DNAAF11: variants seen among roughly 807,000 people sequenced by gnomAD.
The protein encoded by DNAAF11 is leucine rich repeat containing 6.
Under a neutral mutation model 60.8 loss-of-function variants are expected in DNAAF11, and 45 were observed. The ratio of observed to expected loss-of-function variants is 0.74; its 90% CI spans 0.58 to 0.95. DNAAF11 has a LOEUF of 0.95. Ranked by LOEUF, DNAAF11 falls within the 40% of genes least tolerant of loss-of-function variation. DNAAF11 has a pLI of 0.00. For missense variants in DNAAF11, 546 were observed against 546.2 expected (o/e 1.00, Z 0.00); for synonymous variants, 191 against 183.5 (o/e 1.04, Z -0.33).
chr8:132,687,595 C>A, the DNAAF11 span: 10 of 456,026 alleles, frequency 2.2e-5, no homozygotes, highest in South Asian at 1.1e-4. Context: ...CCAGGTGCTG[C>A]AAGCTTCCTG....
At chr8:132,639,115 T>C (rs1821603758) in intron 3 of DNAAF11, among the ~76,000 whole-genome samples, 1 of 152,230 alleles carries the variant, frequency 6.6e-6, no homozygotes, top group African/African-American at 2.4e-5. Flanking sequence ...AATAGCTCAA[T>C]GAGCACTCTA....
At chr8:132,686,004 C>A in the DNAAF11 span, among the ~76,000 whole-genome samples, 1 of 152,238 alleles carries the variant, frequency 6.6e-6, no homozygotes, top group East Asian at 1.9e-4. Context: ...TTTCTATACT[C>A]ATTCAGAGTG....
chr8:132,627,193 G>A (rs1820363512), intron 5 of DNAAF11, among the ~76,000 whole-genome samples: 1 of 151,940 alleles, frequency 6.6e-6, no homozygotes, highest in South Asian at 2.1e-4. Flanking sequence ...TGAAATAATT[G>A]GTTCCATTCT....
At chr8:132,573,541 GTATTGAATAAATAT>G (rs1814437959) in intron 11 of DNAAF11, among the ~76,000 whole-genome samples, 3 of 152,140 alleles carry the variant, frequency 2.0e-5, no homozygotes, top group African/African-American at 7.2e-5. Flanking sequence ...GCATATGGCT[GTATTGAATAAATAT>G]TGTTGAATAG....
Position 132,619,276 on chromosome 8 carries a change from C to T in DNAAF11, c.914+3335G>A, listed in dbSNP as rs540633850. On this transcript the variant is annotated intron_variant, in intron 7 of 11. Coordinates refer to ENST00000620350, the MANE Select transcript of DNAAF11 (RefSeq NM_012472.6). ...GAACACATGGACAGAGGAAGGGGAA[C>T]ATCACACTCTGGGGACTGTTGTGGG... is the stretch of plus-strand genomic sequence containing the variant. Among the ~76,000 whole-genome samples the T allele has an allele frequency of 7.6e-5, 11 of 145,070 alleles. No individual in the cohort carries two copies. The South Asian group carries it at 2.0e-3, about 27-fold the overall frequency.
chr8:132,644,557 A>G (rs915720107), intron 3 of DNAAF11, among the ~76,000 whole-genome samples: 23 of 152,174 alleles, frequency 1.5e-4, no homozygotes, highest in Non-Finnish European at 2.4e-4. Context: ...AGGAAGCACA[A>G]GGGGTCAGGG....
At chr8:132,675,847 T>C (rs1413160567), upstream of DNAAF11, among the ~76,000 whole-genome samples, 1 of 152,216 alleles carries the variant, frequency 6.6e-6, no homozygotes, top group Non-Finnish European at 1.5e-5. Flanking sequence ...CAGGCTTGCC[T>C]TCCAGACCGC....
At chr8:132,666,847 G>A (rs1402109199) in intron 1 of DNAAF11, among the ~76,000 whole-genome samples, 1 of 152,198 alleles carries the variant, frequency 6.6e-6, no homozygotes, top group Admixed American at 6.5e-5. Context: ...TGGGTGGTCA[G>A]GGATACCCAC....
chr8:132,656,899 TA>T lies in DNAAF11; in HGVS notation c.186del (p.Ser63AlafsTer9). The T allele has an allele frequency of 7.6e-7, 1 of 1,311,966 alleles. No homozygotes were observed. The highest frequency in any genetic ancestry group is 1.3e-5 in the South Asian group (1 of 78,014). The allele number at this position is 1,311,966 out of a possible 1,614,324, so 81.3% of individuals were successfully genotyped here. A position where few individuals can be genotyped will look rare whatever the true frequency, so the allele number is the denominator to read the frequency against. On this transcript the variant is annotated frameshift_variant, in exon 3 of 12. Transcript: ENST00000620350. LOFTEE classifies it high-confidence loss of function. ...AAATATTCAAGTTTCTTGAGTTTGC[TA>T]ACATTTTCTGAAATACAAGATAATG... ...QNNLIGKIEN[V>X]SKLKKLEYLN... is the part of the protein sequence containing the mutation.
Position 132,572,312 on chromosome 8 carries a change from C to G in DNAAF11, c.1395G>C (p.Leu465=). The part of the protein sequence containing the change: ...TFEDNPEVPP[L]I ...GGCAACGCAGCCAGATGTTTCAAAT[C>G]AGCGGAGGCACTTCAGGGTTGTCTT... The change falls in exon 12 of 12, where the codon CTG becomes CTC. Residue 465 remains leucine (L), a synonymous_variant. Transcript: ENST00000620350. The G allele has an allele frequency of 1.2e-6, 2 of 1,611,550 alleles. No individual in the cohort carries two copies. The highest frequency in any genetic ancestry group is 1.7e-6 in the Non-Finnish European group (2 of 1,179,126).
At chr8:132,662,912 A>G (rs1323538153) in intron 1 of DNAAF11, among the ~76,000 whole-genome samples, 1 of 152,236 alleles carries the variant, frequency 6.6e-6, no homozygotes, top group Non-Finnish European at 1.5e-5. Context: ...ATTAAATGTA[A>G]AAACATGTAC....
At position 132,655,652 on chromosome 8, in the gene DNAAF11, C is replaced by G. The variant is rs2130767353; in HGVS notation, c.256+1178G>C. On this transcript the variant is annotated intron_variant, in intron 3 of 11. Transcript: ENST00000620350. The stretch of plus-strand genomic sequence containing the variant: ...TAATATAACTAATTTAAAAATGGGC[C>G]AAACCTTTGAATAAACATTTTTCCA... 2.0e-5 allele frequency among the ~76,000 whole-genome samples: 3 copies of G among 152,132 alleles called. 1 individual carries two copies. The highest frequency in any genetic ancestry group is 4.1e-4 in the South Asian group (2 of 4,822).
At chr8:132,618,246 G>T (rs1345940604) in intron 7 of DNAAF11, among the ~76,000 whole-genome samples, 1 of 143,268 alleles carries the variant, frequency 7.0e-6, no homozygotes, top group Non-Finnish European at 1.5e-5. Flanking sequence ...CTAGCCATAT[G>T]TAGAAAGCTG....
chr8:132,672,655 G>A (rs1210611698), intron 1 of DNAAF11, among the ~76,000 whole-genome samples: 1 of 152,174 alleles, frequency 6.6e-6, no homozygotes. Context: ...AGAATTCAAT[G>A]AGTACACACA....
chr8:132,604,340 TA>T (rs1231440752), intron 10 of DNAAF11, among the ~76,000 whole-genome samples: 1 of 152,182 alleles, frequency 6.6e-6, no homozygotes, highest in Non-Finnish European at 1.5e-5. Flanking sequence ...TTATTGACCT[TA>T]ATATGTGATC....
intron 3 of DNAAF11, among the ~76,000 whole-genome samples, chr8:132,648,367 T>C (rs1344280700): frequency 6.6e-6 from 1 of 152,028 alleles, no homozygotes; most frequent in Non-Finnish European, 1.5e-5. Context: ...TCTCAAAATA[T>C]TAAGAGCTAT....
At position 132,572,450 on chromosome 8, in the gene DNAAF11, G is replaced by T. The variant is rs966627380; in HGVS notation, c.1257C>A (p.Asp419Glu). ...RSKHMEKLEV[D>E]PSKHSFPDVT... ...CATCAGGGAATGAGTGCTTGCTAGG[G>T]TCTACTTCTAGTTTCTCCATGTGCT... is the stretch of plus-strand genomic sequence containing the variant. Residue 419 changes from aspartate to glutamate, a missense_variant, in exon 12 of 12, where the codon GAC becomes GAA. By Grantham distance (45) the Asp-to-Glu change is conservative. Transcript: ENST00000620350. The T allele has an allele frequency of 6.2e-7, 1 of 1,607,064 alleles. No homozygotes were observed. The highest frequency in any genetic ancestry group is 8.5e-7 in the Non-Finnish European group (1 of 1,176,900).
intron 10 of DNAAF11, among the ~76,000 whole-genome samples, chr8:132,599,088 G>A (rs1325205682): frequency 2.0e-5 from 3 of 151,746 alleles, no homozygotes; most frequent in East Asian, 3.9e-4. Flanking sequence ...ATGATAAAGG[G>A]GATATCACCA....
chr8:132,635,331 G>C (rs1218148420), intron 4 of DNAAF11, among the ~76,000 whole-genome samples: 1 of 152,222 alleles, frequency 6.6e-6, no homozygotes, highest in Non-Finnish European at 1.5e-5. Flanking sequence ...TGCTGAAGCA[G>C]AGAGAGGGAC....
Sources: allele counts gnomAD v4.1 joint callset (sites outside exome capture counted in the v4.1 genomes callset), GRCh38; gene constraint gnomAD v4.1.1; transcripts MANE v1.5; gene names NCBI Gene and HGNC (gene_info 2026-07-23, HGNC 2026-07-21).